Variants in DCBLD2 observed in about 807,000 individuals in gnomAD.
The protein encoded by DCBLD2 is discoidin, CUB and LCCL domain-containing protein 2.
DCBLD2 carries 54 observed loss-of-function variants against 86.8 expected under a neutral mutation model. The ratio of observed to expected loss-of-function variants is 0.62; its 90% CI spans 0.50 to 0.78. The LOEUF (loss-of-function observed/expected upper bound fraction) is 0.78. DCBLD2 is among the 30% of genes least tolerant of loss of function. The probability of loss-of-function intolerance (pLI) is 0.00; values close to 1 mark genes in which losing one functional copy is unlikely to be tolerated. For synonymous variants in DCBLD2, 354 were observed against 341.3 expected (o/e 1.04, Z -0.41); for missense variants, 908 against 954.2 (o/e 0.95, Z 0.64).
intron 2 of DCBLD2, among the ~76,000 whole-genome samples, chr3:98,870,810 A>AAAGAAAGAAAGAAAGAAAGAAAGAAAGG (rs760385201): frequency 3.1e-4 from 41 of 131,650 alleles, no homozygotes; most frequent in Middle Eastern, 4.0e-3. Flanking sequence ...AGAAAGAAAG[A>AAAGAAAGAAAGAAAGAAAGAAAGAAAGG]AAGGTAGGCA....
At chr3:98,807,322 C>G (rs988989913) in intron 13 of DCBLD2, among the ~76,000 whole-genome samples, 2 of 152,076 alleles carry the variant, frequency 1.3e-5, no homozygotes, top group African/African-American at 4.8e-5. Context: ...AATCCTAACC[C>G]CCGTTAGAAA....
chr3:98,859,352 C>T (rs986643670), intron 2 of DCBLD2, among the ~76,000 whole-genome samples: 14 of 152,216 alleles, frequency 9.2e-5, no homozygotes, highest in Middle Eastern at 3.2e-3. Context: ...TTAAATGTCC[C>T]TGTCTGACAG....
intron 1 of DCBLD2, among the ~76,000 whole-genome samples, chr3:98,891,893 T>C (rs558376208): frequency 4.6e-5 from 7 of 151,478 alleles, no homozygotes; most frequent in East Asian, 2.0e-4. Flanking sequence ...TCCATAATAA[T>C]ATCTTTCTGT....
At chr3:98,807,810 T>C (rs1941866612) in intron 13 of DCBLD2, 1 of 207,522 alleles carries the variant, frequency 4.8e-6, no homozygotes, top group Non-Finnish European at 9.6e-6. Context: ...ATTCTTTAAG[T>C]AAATGTAACT....
At chr3:98,879,868 A>G (rs777696729) in intron 2 of DCBLD2, among the ~76,000 whole-genome samples, 2 of 152,162 alleles carry the variant, frequency 1.3e-5, no homozygotes, top group Non-Finnish European at 2.9e-5. Flanking sequence ...GTATTTCTCT[A>G]TCTCCCTTAT....
At chr3:98,806,291 A>G (rs1314221514) in intron 13 of DCBLD2, among the ~76,000 whole-genome samples, 1 of 152,236 alleles carries the variant, frequency 6.6e-6, no homozygotes, top group Non-Finnish European at 1.5e-5. Context: ...AATTGAAAAT[A>G]GAAAATACAG....
chr3:98,876,531 A>G (rs1041152870), intron 2 of DCBLD2, among the ~76,000 whole-genome samples: 1 of 151,916 alleles, frequency 6.6e-6, no homozygotes, highest in Non-Finnish European at 1.5e-5. Flanking sequence ...ATTTATCATT[A>G]TCAATTGGCA....
At chr3:98,810,704 TAA>T (rs1198082071) in intron 12 of DCBLD2, among the ~76,000 whole-genome samples, 3 of 152,198 alleles carry the variant, frequency 2.0e-5, no homozygotes, top group Non-Finnish European at 4.4e-5. Flanking sequence ...TGCAAACACT[TAA>T]AAAGAGACCA....
chr3:98,866,533 A>G (rs1340346590), intron 2 of DCBLD2, among the ~76,000 whole-genome samples: 2 of 151,908 alleles, frequency 1.3e-5, no homozygotes, highest in Admixed American at 6.6e-5. Context: ...TGTTCATATC[A>G]TTTGCCCACT....
chr3:98,843,804 G>A (rs970192107), intron 3 of DCBLD2, among the ~76,000 whole-genome samples: 1 of 152,086 alleles, frequency 6.6e-6, no homozygotes, highest in African/African-American at 2.4e-5. Context: ...GAATGAACAT[G>A]TGTTTATGAG....
intron 9 of DCBLD2, among the ~76,000 whole-genome samples, chr3:98,817,259 C>T (rs904025480): frequency 6.6e-6 from 1 of 152,144 alleles, no homozygotes; most frequent in African/African-American, 2.4e-5. Flanking sequence ...TAATTAGATG[C>T]TAGAGCAATT....
intron 6 of DCBLD2, among the ~76,000 whole-genome samples, chr3:98,821,609 G>C (rs1025929202): frequency 6.6e-6 from 1 of 151,842 alleles, no homozygotes; most frequent in Non-Finnish European, 1.5e-5. Flanking sequence ...AATAAATAAG[G>C]ATTTGGCAAC....
chr3:98,801,760 G>T, intron 13 of DCBLD2, 111 bp from the exon 14 acceptor site: 1 of 704,910 alleles, frequency 1.4e-6, no homozygotes. Context: ...CTGTGTCCAA[G>T]TGTTCTCATT....
Position 98,849,594 on chromosome 3 carries a change from T to C in DCBLD2, c.438A>G (p.Lys146=). ...TCATTTGCAACCCCAGACCACAGTATTTGCCTAGGAATGAAAGAAAAGCAG... is the reference window on the plus strand; with the variant it reads ...TCATTTGCAACCCCAGACCACAGTACTTGCCTAGGAATGAAAGAAAAGCAG... The part of the protein sequence containing the change: ...GIGVSRTEIG[K]YCGLGLQMNH... The change falls in exon 3 of 16, where the codon AAA becomes AAG. Residue 146 remains lysine (K), a synonymous_variant. Coordinates refer to ENST00000326840, the MANE Select transcript of DCBLD2 (RefSeq NM_080927.4). 2 of 1,608,938 alleles carry C rather than the reference T, an allele frequency of 1.2e-6. No homozygotes were observed. Among genetic ancestry groups the C allele is most frequent in the East Asian group, 4.5e-5 (2 of 44,692 alleles).
At chr3:98,829,249 C>CA (rs1380159088) in intron 3 of DCBLD2, among the ~76,000 whole-genome samples, 2 of 152,018 alleles carry the variant, frequency 1.3e-5, no homozygotes, top group Non-Finnish European at 2.9e-5. Context: ...GTACAGACCC[C>CA]ACCACCAAGA....
chr3:98,881,300 T>C (rs1943465670), intron 2 of DCBLD2, among the ~76,000 whole-genome samples: 1 of 151,488 alleles, frequency 6.6e-6, no homozygotes, highest in Non-Finnish European at 1.5e-5. Flanking sequence ...ACTTCCTCCT[T>C]CTTAGTAGTA....
rs894067031 is a variant in DCBLD2 at position 98,819,558 on chromosome 3, C to G, written c.872-141G>C. 9.3e-5 allele frequency: 78 copies of G among 836,168 alleles called. 1 individual carries two copies. The East Asian group carries it at 1.9e-3, about 21-fold the overall frequency. The allele number at this position is 836,168 out of a possible 1,614,324, so 51.8% of individuals were successfully genotyped here. A position where few individuals can be genotyped will look rare whatever the true frequency, so the allele number is the denominator to read the frequency against. On this transcript the variant is annotated intron_variant, in intron 7 of 15. Transcript: ENST00000326840. The stretch of plus-strand genomic sequence containing the variant: ...ACACTGTAACAGAGAAATTTCAAAA[C>G]TAGGCAAGTGTTTCTTGGGCATATG...
At chr3:98,867,370 T>C (rs1943169315) in intron 2 of DCBLD2, among the ~76,000 whole-genome samples, 1 of 152,206 alleles carries the variant, frequency 6.6e-6, no homozygotes, top group South Asian at 2.1e-4. Flanking sequence ...GTGTCCTCTT[T>C]TATTTCATTG....
intron 3 of DCBLD2, among the ~76,000 whole-genome samples, chr3:98,826,031 A>T (rs1942214007): frequency 6.6e-6 from 1 of 152,306 alleles, no homozygotes; most frequent in East Asian, 1.9e-4. Flanking sequence ...CGGAAGCTGC[A>T]GTAGCATTGC....
Sources: gnomAD v4.1 joint callset for allele counts (sites outside exome capture counted in the v4.1 genomes callset) on GRCh38, gnomAD v4.1.1 for gene constraint, MANE v1.5 for transcripts, NCBI Gene and HGNC (gene_info 2026-07-23, HGNC 2026-07-21) for gene names.